Variants in HEPH observed in about 807,000 individuals in gnomAD.
HEPH encodes hephaestin.
In HEPH, 69 loss-of-function variants were observed where a neutral mutation model predicts 80.8. That is an observed-to-expected ratio of 0.85 (90% CI 0.70 to 1.04). The LOEUF is 1.04. Ranked by LOEUF, HEPH falls within the 50% of genes least tolerant of loss-of-function variation. The pLI, the probability that HEPH is intolerant of heterozygous loss-of-function variation, is 0.00. For synonymous variants in HEPH, 431 were observed against 322.8 expected, an observed-to-expected ratio of 1.34 and a Z score of -3.60; for missense variants, 1,115 against 891.3, an observed-to-expected ratio of 1.25 and a Z score of -3.20.
chrX:66,232,757 A>G (rs1398869260), intron 15 of HEPH, among the ~76,000 whole-genome samples: 1 of 111,476 alleles, frequency 9.0e-6, no homozygotes, highest in Non-Finnish European at 1.9e-5. Flanking sequence ...AAATAGCACC[A>G]AAATACATAA....
chrX:66,239,268 G>T (rs574602064), intron 15 of HEPH, among the ~76,000 whole-genome samples: 1 of 111,694 alleles, frequency 9.0e-6, no homozygotes, highest in Non-Finnish European at 1.9e-5. Flanking sequence ...CCCTTAATTT[G>T]TTGGGGACCA....
chrX:66,232,646 T>C (rs1182866416), intron 15 of HEPH, among the ~76,000 whole-genome samples: 1 of 111,086 alleles, frequency 9.0e-6, no homozygotes, highest in East Asian at 2.8e-4. Context: ...AAAACAATTA[T>C]AGTCTAGTCA....
chrX:66,254,156 G>T (rs893948373), intron 15 of HEPH, among the ~76,000 whole-genome samples: 1 of 111,597 alleles, frequency 9.0e-6, no homozygotes, highest in Non-Finnish European at 1.9e-5. Context: ...ATGAATTGGA[G>T]GGGGCAAGGC....
intron 1 of HEPH, among the ~76,000 whole-genome samples, chrX:66,165,206 T>A (rs770258196): frequency 8.9e-6 from 1 of 111,888 alleles, no homozygotes; most frequent in East Asian, 2.8e-4. Flanking sequence ...CTCAAGACAA[T>A]CCTGTGAAAA....
chrX:66,231,410 C>G (rs2090133948), intron 15 of HEPH, among the ~76,000 whole-genome samples: 1 of 102,553 alleles, frequency 9.8e-6, no homozygotes. Flanking sequence ...TACCCATGAG[C>G]ATGGAATGTT....
At chrX:66,233,624 G>T (rs773326574) in intron 15 of HEPH, among the ~76,000 whole-genome samples, 1 of 110,257 alleles carries the variant, frequency 9.1e-6, no homozygotes, top group Non-Finnish European at 1.9e-5. Context: ...AAAAATTTAA[G>T]TAACTCAGTG....
At chrX:66,240,505 C>T (rs2090528808) in intron 15 of HEPH, among the ~76,000 whole-genome samples, 2 of 92,814 alleles carry the variant, frequency 2.2e-5, no homozygotes, top group African/African-American at 5.2e-5. Flanking sequence ...CAAAGCACCA[C>T]AACTTGGCTA....
rs535553877 is a variant in HEPH at position 66,253,134 on chromosome X, T to C, written c.2564-1901T>C. On this transcript the variant is annotated intron_variant, in intron 15 of 20. Transcript: ENST00000343002. Reference sequence around the variant, plus strand: ...TTGAAATATGCTTTAAAGGACACCATAAAAAAGTGAAAAGACAATCCACAG... The same window carrying C: ...TTGAAATATGCTTTAAAGGACACCACAAAAAAGTGAAAAGACAATCCACAG... 2.0e-4 allele frequency among the ~76,000 whole-genome samples: 22 copies of C among 112,025 alleles called. No individual in the cohort carries two copies. In the South Asian group the frequency reaches 7.7e-3, roughly 39 times the overall value.
At chrX:66,208,656 A>G (rs1370457615) in intron 15 of HEPH, among the ~76,000 whole-genome samples, 2 of 72,522 alleles carry the variant, frequency 2.8e-5, no homozygotes, top group Non-Finnish European at 4.5e-5. Context: ...ATATATATAT[A>G]TATATATATA....
At chrX:66,171,873 G>A (rs1357836688) in intron 2 of HEPH, among the ~76,000 whole-genome samples, 1 of 111,595 alleles carries the variant, frequency 9.0e-6, no homozygotes, top group Non-Finnish European at 1.9e-5. Flanking sequence ...TTTTACAGAT[G>A]GGCAAATTGT....
At position 66,199,370 on chromosome X, in the gene HEPH, C is replaced by G. The variant is rs887212717; in HGVS notation, c.1864+342C>G. Among the ~76,000 whole-genome samples, 6 of 108,530 alleles carry G rather than the reference C, an allele frequency of 5.5e-5. No homozygotes were observed. In the Admixed American group the frequency reaches 5.8e-4, roughly 10 times the overall value. The allele number at this position is 108,530 out of a possible 115,157, so 94.2% of individuals were successfully genotyped here. ...TTTTAGTACCTTGGGTCCCCCCCCC[C>G]CATACTCCAGCCAACTGGGGCTATT... On this transcript the variant is annotated intron_variant, in intron 11 of 20. Coordinates refer to ENST00000343002, the MANE Select transcript of HEPH (RefSeq NM_001367233.3).
intron 15 of HEPH, among the ~76,000 whole-genome samples, chrX:66,215,498 T>A (rs768554561): frequency 2.7e-5 from 3 of 112,068 alleles, no homozygotes; most frequent in African/African-American, 6.5e-5. Context: ...GATTCCTTTT[T>A]GGAAATTTAT....
chrX:66,241,146 G>A (rs992128552), intron 15 of HEPH, among the ~76,000 whole-genome samples: 2 of 112,016 alleles, frequency 1.8e-5, no homozygotes, highest in Middle Eastern at 4.2e-3. Flanking sequence ...TACCATCCAC[G>A]ACAAACACCA....
chrX:66,197,178 T>A (rs2088148471), intron 9 of HEPH, among the ~76,000 whole-genome samples: 1 of 110,320 alleles, frequency 9.1e-6, no homozygotes, highest in African/African-American at 3.3e-5. Context: ...AGCCTTAGTG[T>A]TTTATATATA....
At chrX:66,167,118 T>G (rs2147472202) in intron 1 of HEPH, among the ~76,000 whole-genome samples, 1 of 111,859 alleles carries the variant, frequency 8.9e-6, no homozygotes, top group Non-Finnish European at 1.9e-5. Flanking sequence ...AATGAAGAAG[T>G]TTCCCAAGTC....
chrX:66,261,049 T>C (rs895829784), intron 19 of HEPH, among the ~76,000 whole-genome samples: 1 of 112,173 alleles, frequency 8.9e-6, no homozygotes, highest in Non-Finnish European at 1.9e-5. Flanking sequence ...AGTGCTGGGA[T>C]TGCAGGCATA....
chrX:66,177,044 A>G (rs146366468), intron 4 of HEPH, among the ~76,000 whole-genome samples: 1 of 111,239 alleles, frequency 9.0e-6, no homozygotes, highest in Non-Finnish European at 1.9e-5. Context: ...TACAGAATGG[A>G]AGAAAATTTT....
intron 4 of HEPH, among the ~76,000 whole-genome samples, chrX:66,187,059 C>T (rs1406720669): frequency 9.0e-6 from 1 of 110,525 alleles, no homozygotes; most frequent in African/African-American, 3.3e-5. Context: ...ATAAGTGTGT[C>T]CAGTGTTTCC....
intron 15 of HEPH, among the ~76,000 whole-genome samples, chrX:66,242,332 C>G (rs2090628231): frequency 1.8e-5 from 2 of 111,624 alleles, no homozygotes; most frequent in Non-Finnish European, 3.8e-5. Context: ...AAGATTGAAA[C>G]TGGACCCTTT....
Sources: gnomAD v4.1 joint callset for allele counts (sites outside exome capture counted in the v4.1 genomes callset) on GRCh38, gnomAD v4.1.1 for gene constraint, MANE v1.5 for transcripts, NCBI Gene and HGNC (gene_info 2026-07-23, HGNC 2026-07-21) for gene names.